The following PUDP variants were observed in gnomAD, a reference collection of about 807,000 sequenced individuals.
PUDP encodes the protein pseudouridine 5'-phosphatase.
A neutral mutation model predicts 9.4 loss-of-function variants in PUDP; 8 were observed. That is an observed-to-expected ratio of 0.85 (90% CI 0.50 to 1.53). PUDP has a LOEUF of 1.53. PUDP is among the 40% of genes most tolerant of loss of function. The probability of loss-of-function intolerance (pLI) is 0.00; values close to 1 mark genes in which losing one functional copy is unlikely to be tolerated. For missense variants in PUDP, 188 were observed against 189.7 expected, an observed-to-expected ratio of 0.99 and a Z score of 0.05; for synonymous variants, 99 against 80.7, an observed-to-expected ratio of 1.23 and a Z score of -1.22.
rs1006092476 is a variant in PUDP at position 7,131,335 on chromosome X, C to T, written c.61+16718G>A. On this transcript the variant is annotated intron_variant, in intron 1 of 3. Coordinates refer to ENST00000381077, the MANE Select transcript of PUDP (RefSeq NM_012080.5). ...CAAAAATATATGTCCACGTCCTAAT[C>T]CCTAGGGCCCGAGAATCGGACCTTA... 2.7e-5 allele frequency among the ~76,000 whole-genome samples: 3 copies of T among 110,947 alleles called. No homozygotes were observed. In the Admixed American group the frequency reaches 2.9e-4, roughly 11 times the overall value.
At chrX:6,764,704 G>A (rs145262759) in intron 3 of PUDP, among the ~76,000 whole-genome samples, 2 of 111,417 alleles carry the variant, frequency 1.8e-5, no homozygotes, top group African/African-American at 3.3e-5. Context: ...TATTGACTAT[G>A]GGCAAGTTTA....
chrX:6,817,119 C>G (rs766999201), intron 3 of PUDP, among the ~76,000 whole-genome samples: 2 of 107,280 alleles, frequency 1.9e-5, no homozygotes, highest in African/African-American at 6.8e-5. Flanking sequence ...CTGTGTCTCC[C>G]AGGCCGGAGT....
intron 3 of PUDP, among the ~76,000 whole-genome samples, chrX:6,900,329 G>T (rs185808771): frequency 9.4e-6 from 1 of 106,174 alleles, no homozygotes; most frequent in Non-Finnish European, 2.0e-5. Context: ...CACCACTTGG[G>T]GGGGGGGGCG....
intron 1 of PUDP, among the ~76,000 whole-genome samples, chrX:7,038,475 T>A (rs1038054714): frequency 8.9e-6 from 1 of 112,121 alleles, no homozygotes; most frequent in African/African-American, 3.2e-5. Context: ...TCCTTAAAAA[T>A]AATTAAAATT....
At chrX:6,793,116 G>A (rs1481300711) in intron 3 of PUDP, among the ~76,000 whole-genome samples, 1 of 112,683 alleles carries the variant, frequency 8.9e-6, no homozygotes, top group Non-Finnish European at 1.9e-5. Context: ...TGTCTGGTGA[G>A]GGCTGCTCTC....
chrX:6,847,327 C>CA (rs1926764013), intron 3 of PUDP, among the ~76,000 whole-genome samples: 1 of 80,608 alleles, frequency 1.2e-5, no homozygotes, highest in East Asian at 4.8e-4. Context: ...TACCCACCCC[C>CA]AAAAAAAGGA....
intron 1 of PUDP, among the ~76,000 whole-genome samples, chrX:6,720,236 A>G (rs867097637): frequency 3.4e-4 from 22 of 64,351 alleles, no homozygotes; most frequent in African/African-American, 1.7e-3. Context: ...ATATGTGTGT[A>G]TATATGTATG....
intron 3 of PUDP, among the ~76,000 whole-genome samples, chrX:6,902,932 T>G (rs1927712980): frequency 8.9e-6 from 1 of 111,759 alleles, no homozygotes; most frequent in South Asian, 3.8e-4. Flanking sequence ...AGGAAATTCA[T>G]TTTTTTCTTT....
chrX:6,981,299 T>C (rs745789856), intron 1 of PUDP, among the ~76,000 whole-genome samples: 2 of 112,013 alleles, frequency 1.8e-5, no homozygotes, highest in South Asian at 7.5e-4. Context: ...TTATTTTCTC[T>C]ATGTTGTACA....
intron 3 of PUDP, among the ~76,000 whole-genome samples, chrX:6,907,041 G>A (rs1160778072): frequency 1.8e-5 from 2 of 111,026 alleles, no homozygotes; most frequent in African/African-American, 6.6e-5. Flanking sequence ...TGGTTTGGCT[G>A]TGTCCTCACC....
At chrX:6,939,267 A>T (rs73629007) in intron 3 of PUDP, among the ~76,000 whole-genome samples, 3,430 of 108,243 alleles carry the variant, frequency 0.032, 133 homozygotes, top group African/African-American at 0.11. Context: ...AGATAAAGTA[A>T]TATATTATTT....
chrX:6,895,616 T>A (rs1383651786), intron 3 of PUDP, among the ~76,000 whole-genome samples: 2 of 110,893 alleles, frequency 1.8e-5, no homozygotes, highest in Non-Finnish European at 1.9e-5. Flanking sequence ...ATGAGTCAAA[T>A]TGCCAAACTC....
intron 3 of PUDP, among the ~76,000 whole-genome samples, chrX:6,916,088 G>T (rs190041217): frequency 9.1e-6 from 1 of 109,832 alleles, no homozygotes; most frequent in African/African-American, 3.3e-5. Context: ...TCACCAAACT[G>T]GTTATTGTTT....
intron 3 of PUDP, among the ~76,000 whole-genome samples, chrX:6,774,909 A>C (rs1172042629): frequency 8.9e-6 from 1 of 112,708 alleles, no homozygotes; most frequent in African/African-American, 3.2e-5. Context: ...CCTGTTCTCC[A>C]AACTATGATA....
intron 3 of PUDP, among the ~76,000 whole-genome samples, chrX:6,729,709 G>A (rs185229093): frequency 3.6e-4 from 40 of 110,236 alleles, no homozygotes; most frequent in Admixed American, 1.4e-3. Context: ...TTCTGCCTTC[G>A]TTACACGCCC....
chrX:6,746,705 A>G (rs1233645003), intron 3 of PUDP, among the ~76,000 whole-genome samples: 2 of 110,861 alleles, frequency 1.8e-5, no homozygotes, highest in African/African-American at 6.6e-5. Context: ...GCTGAGGATA[A>G]TGGTTTCCAG....
chrX:6,911,052 C>A (rs1285445446), intron 3 of PUDP, among the ~76,000 whole-genome samples: 1 of 112,180 alleles, frequency 8.9e-6, no homozygotes, highest in East Asian at 2.8e-4. Flanking sequence ...GAACATTCCA[C>A]CTCACACACC....
intron 3 of PUDP, among the ~76,000 whole-genome samples, chrX:6,957,751 T>A (rs1042597969): frequency 1.8e-5 from 2 of 112,255 alleles, no homozygotes; most frequent in Non-Finnish European, 3.8e-5. Flanking sequence ...GCCATAAATG[T>A]AATGTTAAGG....
chrX:6,771,326 T>C (rs904397380), intron 3 of PUDP, among the ~76,000 whole-genome samples: 4 of 112,273 alleles, frequency 3.6e-5, no homozygotes, highest in African/African-American at 1.3e-4. Flanking sequence ...ATCTCCTTTT[T>C]ATGCATTTCA....
Sources: gnomAD v4.1 joint callset for allele counts (sites outside exome capture counted in the v4.1 genomes callset) on GRCh38, gnomAD v4.1.1 for gene constraint, MANE v1.5 for transcripts, NCBI Gene and HGNC (gene_info 2026-07-23, HGNC 2026-07-21) for gene names.